Variants in LDLRAD4 observed in about 807,000 individuals in gnomAD.
The protein encoded by LDLRAD4 is low density lipoprotein receptor class A domain containing 4.
Under a neutral mutation model 17.0 loss-of-function variants are expected in LDLRAD4, and 5 were observed. The ratio of observed to expected loss-of-function variants is 0.29; its 90% CI spans 0.15 to 0.62. The LOEUF (loss-of-function observed/expected upper bound fraction) is 0.62. LDLRAD4 is among the 20% of genes least tolerant of loss of function. LDLRAD4 has a pLI of 0.84. For synonymous variants in LDLRAD4, 168 were observed against 171.8 expected, an observed-to-expected ratio of 0.98 and a Z score of 0.17; for missense variants, 340 against 424.7, an observed-to-expected ratio of 0.80 and a Z score of 1.75.
intron 3 of LDLRAD4, among the ~76,000 whole-genome samples, chr18:13,518,494 C>G (rs779229341): frequency 1.3e-5 from 2 of 152,240 alleles, no homozygotes; most frequent in Admixed American, 1.3e-4. Context: ...ATTTTACCCA[C>G]TCTATCTGGT....
chr18:13,619,919 G>A (rs886995130), intron 3 of LDLRAD4, among the ~76,000 whole-genome samples: 8 of 151,958 alleles, frequency 5.3e-5, no homozygotes, highest in African/African-American at 1.2e-4. Flanking sequence ...AGACACCAGC[G>A]CCTCTCCTAT....
chr18:13,639,158 C>G (rs547772191), intron 4 of LDLRAD4, among the ~76,000 whole-genome samples: 1 of 152,278 alleles, frequency 6.6e-6, no homozygotes, highest in East Asian at 1.9e-4. Context: ...AAGCATTAGC[C>G]AAGAACATCA....
chr18:13,537,037 A>T (rs991052070), intron 3 of LDLRAD4, among the ~76,000 whole-genome samples: 2 of 152,160 alleles, frequency 1.3e-5, no homozygotes, highest in Admixed American at 1.3e-4. Context: ...AAATTTTGCT[A>T]AGGACTTTTG....
At chr18:13,508,594 C>T (rs1387675721) in intron 3 of LDLRAD4, among the ~76,000 whole-genome samples, 1 of 152,160 alleles carries the variant, frequency 6.6e-6, no homozygotes, top group Non-Finnish European at 1.5e-5. Context: ...TCTATGCTGC[C>T]TGTGCTCTAG....
intron 1 of LDLRAD4, among the ~76,000 whole-genome samples, chr18:13,267,801 C>T (rs2044304095): frequency 6.6e-6 from 1 of 152,220 alleles, no homozygotes; most frequent in African/African-American, 2.4e-5. Flanking sequence ...AGCTTGCATG[C>T]CATGAGAACT....
At chr18:13,433,219 A>G (rs1472870223) in intron 2 of LDLRAD4, among the ~76,000 whole-genome samples, 2 of 152,212 alleles carry the variant, frequency 1.3e-5, no homozygotes, top group Admixed American at 6.5e-5. Context: ...TGCTATTTAC[A>G]ATGTAAGTAC....
chr18:13,517,899 T>C (rs145596451), intron 3 of LDLRAD4, among the ~76,000 whole-genome samples: 2,640 of 152,226 alleles, frequency 0.017, 73 homozygotes, highest in African/African-American at 0.053. Flanking sequence ...CCACCACGCC[T>C]GGCTAATTTT....
intron 1 of LDLRAD4, among the ~76,000 whole-genome samples, chr18:13,221,449 C>T (rs1019529269): frequency 1.3e-5 from 2 of 152,094 alleles, no homozygotes; most frequent in Non-Finnish European, 2.9e-5. Context: ...ACCTATATTA[C>T]GGGTGTACAT....
At chr18:13,455,437 C>T (rs111397119) in intron 3 of LDLRAD4, among the ~76,000 whole-genome samples, 574 of 152,168 alleles carry the variant, frequency 3.8e-3, no homozygotes, top group African/African-American at 9.1e-3. Context: ...CTATGAGGCC[C>T]GTAAAGGTCA....
chr18:13,563,096 C>G (rs1167942756), intron 3 of LDLRAD4: 1 of 152,202 alleles, frequency 6.6e-6, no homozygotes, highest in Non-Finnish European at 1.5e-5. Flanking sequence ...TGATGGTTTA[C>G]CAAAGATACA....
intron 1 of LDLRAD4, among the ~76,000 whole-genome samples, chr18:13,361,132 G>A (rs941019403): frequency 2.6e-5 from 4 of 152,134 alleles, no homozygotes; most frequent in African/African-American, 9.7e-5. Flanking sequence ...GTCCCCTCCC[G>A]TTTTGACTCA....
At chr18:13,536,807 A>T (rs1341136527) in intron 3 of LDLRAD4, among the ~76,000 whole-genome samples, 1 of 152,134 alleles carries the variant, frequency 6.6e-6, no homozygotes, top group East Asian at 1.9e-4. Flanking sequence ...TTCTGTTCCT[A>T]CTTTGCTGGT....
intron 3 of LDLRAD4, among the ~76,000 whole-genome samples, chr18:13,591,001 G>A (rs1485053537): frequency 6.6e-6 from 1 of 152,196 alleles, no homozygotes. Flanking sequence ...TGAATTAAAA[G>A]GAGCAGGAGA....
intron 1 of LDLRAD4, among the ~76,000 whole-genome samples, chr18:13,382,917 GCT>G (rs1319183038): frequency 6.6e-6 from 1 of 152,238 alleles, no homozygotes; most frequent in South Asian, 2.1e-4. Flanking sequence ...GGCAGCGCTT[GCT>G]CTCTCTCTGT....
At chr18:13,462,823 A>G (rs1356542571) in intron 3 of LDLRAD4, among the ~76,000 whole-genome samples, 1 of 152,028 alleles carries the variant, frequency 6.6e-6, no homozygotes. Flanking sequence ...TTCTACAACA[A>G]TGTAGCCAGA....
At chr18:13,409,331 G>C (rs1390290326) in intron 2 of LDLRAD4, among the ~76,000 whole-genome samples, 1 of 152,100 alleles carries the variant, frequency 6.6e-6, no homozygotes, top group Admixed American at 6.5e-5. Context: ...GGCCCCCTTG[G>C]GGATCCTGTG....
chr18:13,588,989 C>A (rs958356660), intron 3 of LDLRAD4, among the ~76,000 whole-genome samples: 1 of 147,124 alleles, frequency 6.8e-6, no homozygotes. Context: ...AGTGCAGTGG[C>A]GCTATCTTGG....
At chr18:13,347,964 G>A (rs140311367) in intron 1 of LDLRAD4, among the ~76,000 whole-genome samples, 1,787 of 152,246 alleles carry the variant, frequency 0.012, 15 homozygotes, top group Middle Eastern at 0.027. Context: ...ATTCTAGTTA[G>A]CCATTCGTCT....
intron 2 of LDLRAD4, among the ~76,000 whole-genome samples, chr18:13,408,901 A>G (rs1381061123): frequency 2.0e-5 from 3 of 151,556 alleles, no homozygotes; most frequent in Admixed American, 2.0e-4. Context: ...GGTTTTGTAA[A>G]TCCCATACAG....
Sources: allele counts gnomAD v4.1 joint callset (sites outside exome capture counted in the v4.1 genomes callset), GRCh38; gene constraint gnomAD v4.1.1; transcripts MANE v1.5; gene names NCBI Gene and HGNC (gene_info 2026-07-23, HGNC 2026-07-21).